NEGR1: variants seen among roughly 807,000 people sequenced by gnomAD.
The protein encoded by NEGR1 is IgLON family member 4.
Under a neutral mutation model 40.9 loss-of-function variants are expected in NEGR1, and 10 were observed. That is an observed-to-expected ratio of 0.24 (90% CI 0.15 to 0.42). NEGR1 has a LOEUF of 0.42. Ranked by LOEUF, NEGR1 falls within the 10% of genes least tolerant of loss-of-function variation. The pLI, the probability that NEGR1 is intolerant of heterozygous loss-of-function variation, is 1.00. For missense variants in NEGR1, 352 were observed against 438.9 expected, an observed-to-expected ratio of 0.80 and a Z score of 1.77; for synonymous variants, 185 against 166.8, an observed-to-expected ratio of 1.11 and a Z score of -0.84.
intron 6 of NEGR1, among the ~76,000 whole-genome samples, chr1:71,512,917 G>T (rs1352568547): frequency 6.6e-6 from 1 of 152,100 alleles, no homozygotes; most frequent in Non-Finnish European, 1.5e-5. Context: ...AATAAAATAA[G>T]CTATAGGAAT....
chr1:71,560,435 ATATATATATATATG>A (rs903765101), intron 6 of NEGR1, among the ~76,000 whole-genome samples: 7 of 135,740 alleles, frequency 5.2e-5, no homozygotes, highest in Middle Eastern at 3.8e-3. Context: ...TCCATTATAT[ATATATATATATATG>A]TATATATATA....
chr1:71,656,550 T>C (rs12123985), intron 4 of NEGR1, among the ~76,000 whole-genome samples: 32,888 of 152,038 alleles, frequency 0.22, 4,625 homozygotes, highest in Non-Finnish European at 0.31. Context: ...GTAGCTGGGA[T>C]TACAGGCGCC....
chr1:71,997,921 C>A (rs74625692), intron 1 of NEGR1, among the ~76,000 whole-genome samples: 17,450 of 151,954 alleles, frequency 0.11, 1,047 homozygotes, highest in South Asian at 0.18. Flanking sequence ...ATACTACCTT[C>A]TACCTATAGT....
intron 1 of NEGR1, among the ~76,000 whole-genome samples, chr1:71,940,603 C>A (rs899108327): frequency 3.3e-5 from 5 of 152,112 alleles, no homozygotes; most frequent in Non-Finnish European, 7.4e-5. Context: ...TGCCTAAATT[C>A]TTTTTAGGGG....
At chr1:71,792,271 C>A (rs1657144910) in intron 2 of NEGR1, among the ~76,000 whole-genome samples, 1 of 152,024 alleles carries the variant, frequency 6.6e-6, no homozygotes, top group Non-Finnish European at 1.5e-5. Context: ...TTGGTTTCTC[C>A]CCCTATGATA....
At chr1:71,478,520 C>A (rs984658031) in intron 6 of NEGR1, among the ~76,000 whole-genome samples, 1 of 151,972 alleles carries the variant, frequency 6.6e-6, no homozygotes, top group African/African-American at 2.4e-5. Flanking sequence ...CTCCATTGCC[C>A]ACAACATCTT....
At chr1:71,939,080 C>G (rs1363719746) in intron 1 of NEGR1, among the ~76,000 whole-genome samples, 1 of 152,104 alleles carries the variant, frequency 6.6e-6, no homozygotes, top group African/African-American at 2.4e-5. Flanking sequence ...CCACTTTACT[C>G]TGCTCTAGGC....
At chr1:71,553,721 A>T (rs1360645386) in intron 6 of NEGR1, among the ~76,000 whole-genome samples, 3 of 151,402 alleles carry the variant, frequency 2.0e-5, no homozygotes, top group Non-Finnish European at 4.4e-5. Context: ...TTTGCCTGAG[A>T]CTGTGGTTGT....
intron 2 of NEGR1, among the ~76,000 whole-genome samples, chr1:71,890,238 G>T (rs1318366120): frequency 2.9e-5 from 2 of 70,074 alleles, no homozygotes; most frequent in African/African-American, 1.2e-4. Flanking sequence ...AAATATAAAT[G>T]GACTAAATTC....
intron 1 of NEGR1, among the ~76,000 whole-genome samples, chr1:72,180,633 A>T (rs959425906): frequency 6.6e-6 from 1 of 152,154 alleles, no homozygotes; most frequent in Admixed American, 6.6e-5. Flanking sequence ...AAATCACCCA[A>T]TTAAAAAATG....
At chr1:71,689,523 CA>C (rs1474062601) in intron 4 of NEGR1, among the ~76,000 whole-genome samples, 2 of 151,992 alleles carry the variant, frequency 1.3e-5, no homozygotes, top group Admixed American at 1.3e-4. Flanking sequence ...TATCTAAACC[CA>C]AAATTTTATC....
intron 2 of NEGR1, among the ~76,000 whole-genome samples, chr1:71,924,919 C>T (rs1404822841): frequency 3.3e-5 from 5 of 151,528 alleles, no homozygotes; most frequent in South Asian, 2.1e-4. Context: ...TCAGCATTCA[C>T]GGTCTTATGT....
intron 4 of NEGR1, among the ~76,000 whole-genome samples, chr1:71,637,698 G>GA (rs1651202840): frequency 6.6e-6 from 1 of 151,840 alleles, no homozygotes; most frequent in East Asian, 1.9e-4. Flanking sequence ...AAACCATGAG[G>GA]AGGAGAATAA....
intron 4 of NEGR1, among the ~76,000 whole-genome samples, chr1:71,661,668 T>G (rs1249010564): frequency 6.6e-6 from 1 of 152,236 alleles, no homozygotes; most frequent in Non-Finnish European, 1.5e-5. Context: ...ATAATCAGAA[T>G]GTGAAAAATG....
At chr1:71,693,672 G>GT (rs1385210239) in intron 4 of NEGR1, among the ~76,000 whole-genome samples, 1 of 151,630 alleles carries the variant, frequency 6.6e-6, no homozygotes, top group Non-Finnish European at 1.5e-5. Context: ...TTATGGACCA[G>GT]TAAGTTATCT....
At chr1:71,428,478 A>G (rs1158351054) in intron 6 of NEGR1, among the ~76,000 whole-genome samples, 1 of 152,176 alleles carries the variant, frequency 6.6e-6, no homozygotes, top group Admixed American at 6.5e-5. Context: ...TAGGCACATT[A>G]TATCAATGTG....
At chr1:72,136,291 T>C (rs1379830199) in intron 1 of NEGR1, among the ~76,000 whole-genome samples, 1 of 152,092 alleles carries the variant, frequency 6.6e-6, no homozygotes, top group Non-Finnish European at 1.5e-5. Context: ...ACAATTATTA[T>C]ATTAGAATGT....
chr1:71,736,426 T>A (rs921511941), intron 3 of NEGR1, among the ~76,000 whole-genome samples: 2 of 152,200 alleles, frequency 1.3e-5, no homozygotes, highest in African/African-American at 2.4e-5. Flanking sequence ...TTACGGTTAA[T>A]CATTAAATTA....
intron 1 of NEGR1, among the ~76,000 whole-genome samples, chr1:72,196,974 T>C (rs368164249): frequency 7.2e-5 from 11 of 151,970 alleles, no homozygotes; most frequent in Non-Finnish European, 1.6e-4. Flanking sequence ...TCATATAATT[T>C]TGGACAACTA....
Sources: gnomAD v4.1 joint callset for allele counts (sites outside exome capture counted in the v4.1 genomes callset) on GRCh38, gnomAD v4.1.1 for gene constraint, MANE v1.5 for transcripts, NCBI Gene and HGNC (gene_info 2026-07-23, HGNC 2026-07-21) for gene names.